The following LAMA2 variants were observed in gnomAD, a reference collection of about 807,000 sequenced individuals.
LAMA2 encodes the protein laminin subunit alpha-2.
In LAMA2, 269 loss-of-function variants were observed where a neutral mutation model predicts 364.8. That is an observed-to-expected ratio of 0.74 (90% CI 0.67 to 0.82). The LOEUF (loss-of-function observed/expected upper bound fraction) is 0.82. LAMA2 is among the 40% of genes least tolerant of loss of function. The pLI is 0.00. For missense variants in LAMA2, 3,807 were observed against 3,873.2 expected, an observed-to-expected ratio of 0.98 and a Z score of 0.45; for synonymous variants, 1,379 against 1,370.6, an observed-to-expected ratio of 1.01 and a Z score of -0.14.
At chr6:129,405,218 A>G (rs1043413566) in intron 40 of LAMA2, among the ~76,000 whole-genome samples, 2 of 152,140 alleles carry the variant, frequency 1.3e-5, no homozygotes, top group Non-Finnish European at 2.9e-5. Flanking sequence ...TGCCTGGCAA[A>G]TAGTAGGCAC....
chr6:129,209,874 G>T (rs1782970727), intron 12 of LAMA2, among the ~76,000 whole-genome samples: 1 of 151,636 alleles, frequency 6.6e-6, no homozygotes, highest in South Asian at 2.1e-4. Context: ...CAGGGTAGCG[G>T]GCACCTGTAA....
intron 45 of LAMA2, 22 bp from the exon 46 acceptor site, chr6:129,452,966 T>TA: frequency 1.2e-6 from 2 of 1,608,000 alleles, no homozygotes; most frequent in Non-Finnish European, 1.7e-6. Context: ...TCTTGGTTCT[T>TA]TGTATCTTGT....
intron 3 of LAMA2, among the ~76,000 whole-genome samples, chr6:129,084,185 A>G (rs1279528410): frequency 6.6e-6 from 1 of 152,212 alleles, no homozygotes; most frequent in African/African-American, 2.4e-5. Context: ...AGGTGAGAGT[A>G]ATGCTAGCCA....
chr6:128,979,219 A>G (rs1310800979), intron 1 of LAMA2, among the ~76,000 whole-genome samples: 1 of 152,196 alleles, frequency 6.6e-6, no homozygotes. Context: ...ATGTTTCCAT[A>G]AAGCTTTATT....
chr6:129,272,182 C>A lies in LAMA2; in HGVS notation c.2450+1431C>A, dbSNP rs147954629. Among the ~76,000 whole-genome samples, 386 of 152,180 alleles carry A rather than the reference C, an allele frequency of 2.5e-3. 3 individuals carry two copies. The highest frequency in any genetic ancestry group is 9.0e-3 in the African/African-American group (372 of 41,520). On this transcript the variant is annotated intron_variant, in intron 17 of 64. Transcript: ENST00000421865. Reference sequence around the variant, plus strand: ...ACTCAGTAAGGTAGATATTATTATCCTCATTGTATAGATTAAGAAATGAAG... The same window carrying A: ...ACTCAGTAAGGTAGATATTATTATCATCATTGTATAGATTAAGAAATGAAG...
In LAMA2 at chr6:128,954,432, T is replaced by C. The variant is rs140878345; in HGVS notation, c.112+71075T>C. Among the ~76,000 whole-genome samples, 1,165 of 152,174 alleles carry C rather than the reference T, an allele frequency of 7.7e-3. 15 individuals carry two copies. Among genetic ancestry groups the C allele is most frequent in the African/African-American group, 0.026 (1,100 of 41,554 alleles). ...GAAATTGCAAGCTCTGGAAATTCTT[T>C]GTGTCTTAGGAAAATGAGATTCTAT... On this transcript the variant is annotated intron_variant, in intron 1 of 64. Coordinates refer to ENST00000421865, the MANE Select transcript of LAMA2 (RefSeq NM_000426.4).
chr6:129,478,624 C>T (rs1211239637), intron 53 of LAMA2, 69 bp from the exon 54 acceptor site: 2 of 1,549,826 alleles, frequency 1.3e-6, no homozygotes, highest in South Asian at 1.1e-5. Flanking sequence ...GCTTCCTTCC[C>T]ATAGTCAGAG....
Position 129,353,647 on chromosome 6 carries a change from A to G in LAMA2, c.4717+290A>G, listed in dbSNP as rs79874802. On this transcript the variant is annotated intron_variant, in intron 32 of 64. Transcript: ENST00000421865. Reference sequence around the variant, plus strand: ...GCATTTTATTTGATTTGTCCATCTCAGGGTTTACAGTTTTGCCTCAAGTTG... The same window carrying G: ...GCATTTTATTTGATTTGTCCATCTCGGGGTTTACAGTTTTGCCTCAAGTTG... Among the ~76,000 whole-genome samples, 478 of 152,170 alleles carry G rather than the reference A, an allele frequency of 3.1e-3. 4 individuals carry two copies. Among genetic ancestry groups the G allele is most frequent in the African/African-American group, 0.011 (464 of 41,530 alleles).
intron 4 of LAMA2, among the ~76,000 whole-genome samples, chr6:129,122,797 C>G (rs1001175146): frequency 6.6e-6 from 1 of 152,186 alleles, no homozygotes; most frequent in African/African-American, 2.4e-5. Flanking sequence ...CTGCCACTTT[C>G]TAGCTGGTTC....
intron 5 of LAMA2, among the ~76,000 whole-genome samples, chr6:129,144,443 C>T (rs901499067): frequency 1.3e-4 from 20 of 151,964 alleles, no homozygotes; most frequent in Admixed American, 9.2e-4. Context: ...TTGGCTTTGG[C>T]GAGTTACTAC....
At chr6:128,943,912 C>T (rs1780333841) in intron 1 of LAMA2, among the ~76,000 whole-genome samples, 1 of 152,084 alleles carries the variant, frequency 6.6e-6, no homozygotes, top group African/African-American at 2.4e-5. Flanking sequence ...TCATTTGGTA[C>T]ATGTATGTAT....
intron 21 of LAMA2, among the ~76,000 whole-genome samples, chr6:129,298,975 G>A (rs3798668): frequency 0.34 from 52,084 of 151,756 alleles, 10,501 homozygotes; most frequent in Non-Finnish European, 0.45. Context: ...TAAATCCAAA[G>A]CTCACTGACA....
chr6:129,172,260 A>C lies in LAMA2; in HGVS notation c.1307-5446A>C, dbSNP rs1780223098. Among the ~76,000 whole-genome samples, 3 of 152,098 alleles carry C rather than the reference A, an allele frequency of 2.0e-5. No individual in the cohort carries two copies. In the South Asian group the frequency reaches 6.2e-4, roughly 32 times the overall value. On this transcript the variant is annotated intron_variant, in intron 9 of 64. Transcript: ENST00000421865. ...GAGGAGGAGAGGCACTCTGCTTTTT[A>C]GAGTTTCCAGTTTTTCTGTTCTGTT...
At chr6:129,070,551 C>G (rs1422829888) in intron 3 of LAMA2, among the ~76,000 whole-genome samples, 1 of 142,380 alleles carries the variant, frequency 7.0e-6, no homozygotes, top group Non-Finnish European at 1.5e-5. Context: ...AGCTTCTTTA[C>G]TCTTCTGTTG....
rs571339990 is a variant in LAMA2 at position 129,132,255 on chromosome 6, C to A, written c.640-11646C>A. 2.0e-5 allele frequency among the ~76,000 whole-genome samples: 3 copies of A among 151,956 alleles called. No individual in the cohort carries two copies. In the East Asian group the frequency reaches 5.8e-4, roughly 29 times the overall value. The stretch of plus-strand genomic sequence containing the variant: ...AATCTCGGCTCACTGCAAGCTCCAC[C>A]TCCCGGGTTCATGCCATTCTCCCAC... On this transcript the variant is annotated intron_variant, in intron 4 of 64. Transcript: ENST00000421865.
intron 12 of LAMA2, among the ~76,000 whole-genome samples, chr6:129,216,464 A>G (rs1783429512): frequency 6.6e-6 from 1 of 152,306 alleles, no homozygotes; most frequent in African/African-American, 2.4e-5. Flanking sequence ...ATTCTAGAAT[A>G]TGTAATGAAT....
Position 129,383,124 on chromosome 6 carries a change from T to C in LAMA2, c.4962T>C (p.Ala1654=), listed in dbSNP as rs1252275816. 6.2e-7 allele frequency: 1 copy of C among 1,613,132 alleles called. No individual in the cohort carries two copies. Among genetic ancestry groups the C allele is most frequent in the Non-Finnish European group, 8.5e-7 (1 of 1,179,522 alleles). ...VTEMNELLTR[A]TKVTADGEQT... is the part of the protein sequence containing the mutation. Reference sequence around the variant, plus strand: ...GTTTCCCGAATTTGGATCATTAGGCTACCAAAGTGACAGCAGATGGCGAGC... The same window carrying C: ...GTTTCCCGAATTTGGATCATTAGGCCACCAAAGTGACAGCAGATGGCGAGC... Residue 1654 remains alanine, a splice_region_variant and synonymous_variant, in exon 35 of 65, where the codon GCT becomes GCC. Coordinates refer to ENST00000421865, the MANE Select transcript of LAMA2 (RefSeq NM_000426.4).
At chr6:128,904,859 T>C (rs1777321877) in intron 1 of LAMA2, among the ~76,000 whole-genome samples, 2 of 152,198 alleles carry the variant, frequency 1.3e-5, no homozygotes, top group African/African-American at 4.8e-5. Context: ...GCATTGTTAA[T>C]TTAGTTAAAG....
chr6:129,274,380 C>A (rs755653250), intron 17 of LAMA2, among the ~76,000 whole-genome samples: 1 of 151,536 alleles, frequency 6.6e-6, no homozygotes, highest in East Asian at 1.9e-4. Flanking sequence ...TGCATACAAT[C>A]CTGAAGACGA....
Sources: allele counts gnomAD v4.1 joint callset (sites outside exome capture counted in the v4.1 genomes callset), GRCh38; gene constraint gnomAD v4.1.1; transcripts MANE v1.5; gene names NCBI Gene and HGNC (gene_info 2026-07-23, HGNC 2026-07-21).